Variants in MYO1D observed in about 807,000 individuals in gnomAD.
MYO1D encodes unconventional myosin-Id.
Under a neutral mutation model 122.0 loss-of-function variants are expected in MYO1D, and 83 were observed. The observed-to-expected ratio is 0.68, with a 90% CI of 0.57 to 0.82. The LOEUF is 0.82. MYO1D is among the 40% of genes least tolerant of loss of function. The pLI is 0.00. For synonymous variants in MYO1D, 464 were observed against 446.9 expected (o/e 1.04, Z -0.48); for missense variants, 1,157 against 1,269.5 (o/e 0.91, Z 1.35).
rs2088524250 is a variant in MYO1D at position 32,659,339 on chromosome 17, C to T, written c.2122-1G>A. 6.2e-7 allele frequency: 1 copy of T among 1,613,834 alleles called. No individual in the cohort carries two copies. The highest frequency in any genetic ancestry group is 1.3e-5 in the African/African-American group (1 of 75,028). On this transcript the variant is annotated splice_acceptor_variant, in intron 16 of 21. Transcript: ENST00000318217. LOFTEE classifies it high-confidence loss of function. ...TGCGGGCCAGGGTGCCCCGCCACAC[C>T]TTCACAATAGAGAAAGAAAAAGGAA...
chr17:32,876,477 C>T (rs769997233), intron 1 of MYO1D, among the ~76,000 whole-genome samples: 1 of 152,146 alleles, frequency 6.6e-6, no homozygotes, highest in Non-Finnish European at 1.5e-5. Context: ...AGCGCGCCCT[C>T]CCGCGCGGCA....
chr17:32,776,236 T>C (rs1256712310), intron 3 of MYO1D, among the ~76,000 whole-genome samples: 1 of 152,088 alleles, frequency 6.6e-6, no homozygotes, highest in Non-Finnish European at 1.5e-5. Flanking sequence ...TGAAATACTA[T>C]ACAGGTGCTA....
At chr17:32,867,311 G>GT (rs2091135491) in intron 1 of MYO1D, among the ~76,000 whole-genome samples, 1 of 145,198 alleles carries the variant, frequency 6.9e-6, no homozygotes, top group African/African-American at 2.6e-5. Context: ...AGGTGATAGT[G>GT]TGAGACTGTC....
intron 16 of MYO1D, among the ~76,000 whole-genome samples, chr17:32,671,200 C>T (rs1486926174): frequency 1.3e-5 from 2 of 152,248 alleles, no homozygotes; most frequent in Non-Finnish European, 2.9e-5. Flanking sequence ...CTGGGCATCA[C>T]TGCATTCCCC....
intron 21 of MYO1D, among the ~76,000 whole-genome samples, chr17:32,500,744 C>A (rs893807022): frequency 6.6e-6 from 1 of 152,130 alleles, no homozygotes; most frequent in Non-Finnish European, 1.5e-5. Flanking sequence ...CAGTGGCTCA[C>A]GCCGGTAATC....
rs375317518 is a variant in MYO1D, at chr17:32,871,021, C to T, written c.95+5757G>A. ...GAGCACATGAGAATGTGACATTGAC[C>T]TGTTTTGGGGGATTGGGAAAGATTT... On this transcript the variant is annotated intron_variant, in intron 1 of 21. Coordinates refer to ENST00000318217, the MANE Select transcript of MYO1D (RefSeq NM_015194.3). Among the ~76,000 whole-genome samples, 7 of 152,234 alleles carry T rather than the reference C, an allele frequency of 4.6e-5. No individual in the cohort carries two copies. In the East Asian group the frequency reaches 1.4e-3, roughly 29 times the overall value.
At chr17:32,650,679 T>A (rs1316048126) in intron 19 of MYO1D, among the ~76,000 whole-genome samples, 1 of 152,176 alleles carries the variant, frequency 6.6e-6, no homozygotes, top group Non-Finnish European at 1.5e-5. Context: ...CTGCTGTTAA[T>A]CCCATTGAGT....
rs1408759120 is a variant in MYO1D at position 32,645,451 on chromosome 17, C to T, written c.2596-6616G>A. Among the ~76,000 whole-genome samples the T allele has an allele frequency of 3.8e-4, 58 of 152,048 alleles. 1 individual carries two copies. Among genetic ancestry groups the T allele is most frequent in the Admixed American group, 3.8e-3 (58 of 15,260 alleles). ...TTTCCTGAATTTGAATGTTGGCCTGCCTTGTTAGGTTGGGGAAGTTCTCCT... is the reference window on the plus strand; with the variant it reads ...TTTCCTGAATTTGAATGTTGGCCTGTCTTGTTAGGTTGGGGAAGTTCTCCT... On this transcript the variant is annotated intron_variant, in intron 19 of 21. Coordinates refer to ENST00000318217, the MANE Select transcript of MYO1D (RefSeq NM_015194.3).
intron 21 of MYO1D, among the ~76,000 whole-genome samples, chr17:32,521,105 A>G (rs1425837090): frequency 6.6e-6 from 1 of 152,222 alleles, no homozygotes; most frequent in Non-Finnish European, 1.5e-5. Flanking sequence ...GCCTTGAGAA[A>G]AGATCCGACC....
intron 20 of MYO1D, among the ~76,000 whole-genome samples, chr17:32,622,589 G>C (rs1325440110): frequency 6.6e-6 from 1 of 152,118 alleles, no homozygotes; most frequent in Admixed American, 6.5e-5. Flanking sequence ...GTTATATTTG[G>C]GCAGAGGCCT....
intron 20 of MYO1D, among the ~76,000 whole-genome samples, chr17:32,633,171 TAAA>T (rs3040385): frequency 2.6e-4 from 38 of 146,030 alleles, no homozygotes; most frequent in African/African-American, 9.2e-4. Context: ...AGACTAAATT[TAAA>T]AAAAAAACAG....
chr17:32,778,646 T>C (rs1271963169), intron 2 of MYO1D, 73 bp from the exon 3 acceptor site: 3 of 1,309,344 alleles, frequency 2.3e-6, no homozygotes, highest in African/African-American at 1.5e-5. Flanking sequence ...AATAGAATAA[T>C]TTAAAAATCT....
intron 19 of MYO1D, among the ~76,000 whole-genome samples, chr17:32,650,681 C>T (rs2088376647): frequency 6.6e-6 from 1 of 151,738 alleles, no homozygotes; most frequent in Admixed American, 6.6e-5. Context: ...GCTGTTAATC[C>T]CATTGAGTAT....
At chr17:32,731,000 G>A (rs1283880651) in intron 14 of MYO1D, among the ~76,000 whole-genome samples, 2 of 148,904 alleles carry the variant, frequency 1.3e-5, no homozygotes, top group African/African-American at 5.0e-5. Context: ...TCTGCCTCCC[G>A]GGTTCAAGCG....
intron 10 of MYO1D, among the ~76,000 whole-genome samples, chr17:32,757,299 TA>T (rs1465195948): frequency 2.0e-5 from 3 of 152,204 alleles, no homozygotes; most frequent in African/African-American, 4.8e-5. Flanking sequence ...AATAGGGGAA[TA>T]GGGGGAATTT....
intron 16 of MYO1D, among the ~76,000 whole-genome samples, chr17:32,702,815 A>C (rs930491264): frequency 6.6e-6 from 1 of 152,092 alleles, no homozygotes; most frequent in Non-Finnish European, 1.5e-5. Flanking sequence ...TTGACTGTGG[A>C]CCCCACAGTT....
intron 21 of MYO1D, among the ~76,000 whole-genome samples, chr17:32,545,844 C>T (rs576512398): frequency 4.0e-5 from 6 of 150,850 alleles, no homozygotes; most frequent in South Asian, 2.1e-4. Flanking sequence ...GGATGAAATG[C>T]TTTCTCCCTT....
intron 21 of MYO1D, among the ~76,000 whole-genome samples, chr17:32,530,421 C>G (rs1910472169): frequency 6.6e-6 from 1 of 152,172 alleles, no homozygotes; most frequent in African/African-American, 2.4e-5. Context: ...AAATTACAGA[C>G]TAAGTGCTAG....
At chr17:32,806,549 A>G (rs1167503645) in intron 1 of MYO1D, among the ~76,000 whole-genome samples, 1 of 152,080 alleles carries the variant, frequency 6.6e-6, no homozygotes, top group African/African-American at 2.4e-5. Flanking sequence ...AATTTTTAAA[A>G]AATTTTCACT....
Sources: gnomAD v4.1 joint callset for allele counts (sites outside exome capture counted in the v4.1 genomes callset) on GRCh38, gnomAD v4.1.1 for gene constraint, MANE v1.5 for transcripts, NCBI Gene and HGNC (gene_info 2026-07-23, HGNC 2026-07-21) for gene names.